CDH4: variants seen among roughly 807,000 people sequenced by gnomAD.
The protein encoded by CDH4 is cadherin-4.
Under a neutral mutation model 86.0 loss-of-function variants are expected in CDH4, and 33 were observed. That is an observed-to-expected ratio of 0.38 (90% CI 0.29 to 0.51). The LOEUF (loss-of-function observed/expected upper bound fraction) is 0.51. Among genes scored for constraint, CDH4 ranks in the 20% least tolerant of loss-of-function variants. CDH4 has a pLI of 0.86. For missense variants in CDH4, 1,114 were observed against 1,307.4 expected (o/e 0.85, Z 2.28); for synonymous variants, 555 against 549.4 (o/e 1.01, Z -0.14).
chr20:61,747,202 G>GA (rs2088425243), intron 3 of CDH4, among the ~76,000 whole-genome samples: 1 of 152,198 alleles, frequency 6.6e-6, no homozygotes, highest in Admixed American at 6.5e-5. Context: ...AGCATTTTGG[G>GA]AGGCCGAGGC....
chr20:61,545,417 G>C (rs565070607), intron 2 of CDH4, among the ~76,000 whole-genome samples: 1 of 152,210 alleles, frequency 6.6e-6, no homozygotes, highest in African/African-American at 2.4e-5. Flanking sequence ...AGGTCATGGC[G>C]ATCAGTCTGT....
chr20:61,499,603 T>G, intron 2 of CDH4: 1 of 1,038,886 alleles, frequency 9.6e-7, no homozygotes, highest in Non-Finnish European at 1.3e-6. Flanking sequence ...GGAGGAGGGC[T>G]CCAAGCCAGA....
At chr20:61,772,210 A>C (rs906405261) in intron 3 of CDH4, among the ~76,000 whole-genome samples, 1 of 152,216 alleles carries the variant, frequency 6.6e-6, no homozygotes, top group Non-Finnish European at 1.5e-5. Context: ...CCCACGTCAC[A>C]TGAGCTTTTG....
At chr20:61,739,463 G>A (rs2088306651) in intron 2 of CDH4, among the ~76,000 whole-genome samples, 1 of 152,198 alleles carries the variant, frequency 6.6e-6, no homozygotes, top group Admixed American at 6.5e-5. Flanking sequence ...CAGGTACGAA[G>A]CCAGGGAATG....
At chr20:61,532,207 G>A (rs921121468) in intron 2 of CDH4, among the ~76,000 whole-genome samples, 2 of 152,334 alleles carry the variant, frequency 1.3e-5, no homozygotes, top group East Asian at 3.9e-4. Context: ...GGGCCACCCA[G>A]GAGGCACCCA....
chr20:61,382,741 G>A (rs1022225585), intron 2 of CDH4, among the ~76,000 whole-genome samples: 1 of 152,006 alleles, frequency 6.6e-6, no homozygotes, highest in Non-Finnish European at 1.5e-5. Context: ...GTTCTCCTCG[G>A]GTGCACCTCC....
At chr20:61,271,292 A>G (rs1439423504) in intron 2 of CDH4, among the ~76,000 whole-genome samples, 3 of 152,164 alleles carry the variant, frequency 2.0e-5, no homozygotes, top group African/African-American at 7.2e-5. Context: ...GACGAGAGCA[A>G]ATGTGGAGAG....
intron 2 of CDH4, among the ~76,000 whole-genome samples, chr20:61,529,192 G>A (rs1318771008): frequency 6.6e-6 from 1 of 152,154 alleles, no homozygotes; most frequent in African/African-American, 2.4e-5. Flanking sequence ...TCAGAAGTCT[G>A]GAGATCTTAG....
intron 2 of CDH4, among the ~76,000 whole-genome samples, chr20:61,396,067 T>A (rs2085015017): frequency 6.6e-6 from 1 of 152,210 alleles, no homozygotes; most frequent in South Asian, 2.1e-4. Context: ...ACATAAGTTT[T>A]ATTGGCGCTC....
At chr20:61,915,008 A>G (rs1046138537) in intron 9 of CDH4, among the ~76,000 whole-genome samples, 1 of 152,210 alleles carries the variant, frequency 6.6e-6, no homozygotes, top group African/African-American at 2.4e-5. Flanking sequence ...CAATGTGATC[A>G]GCTACAGTGA....
At chr20:61,282,653 A>G (rs1169496366) in intron 2 of CDH4, among the ~76,000 whole-genome samples, 1 of 152,164 alleles carries the variant, frequency 6.6e-6, no homozygotes, top group Non-Finnish European at 1.5e-5. Flanking sequence ...TCATATGTAC[A>G]TATGTGGGTG....
rs1600802524 is a variant in CDH4, at chr20:61,940,375, G to A, written c.*3432G>A. 1 of 151,860 alleles carries A rather than the reference G, an allele frequency of 6.6e-6. No homozygotes were observed. Among genetic ancestry groups the A allele is most frequent in the African/African-American group, 2.4e-5 (1 of 41,302 alleles). The allele number at this position is 151,860 out of a possible 1,614,324, so 9.4% of individuals were successfully genotyped here. A position where few individuals can be genotyped will look rare whatever the true frequency, so the allele number is the denominator to read the frequency against. ...ACTCACACCTGCAAATCTGAGCATC[G>A]CGAGGTTAAACGTTCCACCTTTTTT... On this transcript the variant is annotated 3_prime_UTR_variant, in exon 16 of 16. Coordinates refer to ENST00000614565, the MANE Select transcript of CDH4 (RefSeq NM_001794.5).
rs1424654817 is a variant in CDH4 at position 61,517,991 on chromosome 20, G to T, written c.170-225572G>T. Among the ~76,000 whole-genome samples, 1 of 147,806 alleles carries T rather than the reference G, an allele frequency of 6.8e-6. No homozygotes were observed. The highest frequency in any genetic ancestry group is 1.5e-5 in the Non-Finnish European group (1 of 67,542). On this transcript the variant is annotated intron_variant, in intron 2 of 15. Transcript: ENST00000614565. The surrounding 1 kb of genome is among the most constrained non-coding windows in gnomAD (Gnocchi z 6.6). Reference sequence around the variant, plus strand: ...CCTCTCGTGTGGGGCTGGGGCAGGAGCTGCCTGCCTCCCCGTGCGGGGAGG... The same window carrying T: ...CCTCTCGTGTGGGGCTGGGGCAGGATCTGCCTGCCTCCCCGTGCGGGGAGG...
chr20:61,594,317 G>C (rs898931068), intron 2 of CDH4, among the ~76,000 whole-genome samples: 7 of 151,920 alleles, frequency 4.6e-5, no homozygotes, highest in Non-Finnish European at 7.4e-5. Context: ...GCCACTTCCA[G>C]TGCTGGTGCC....
intron 6 of CDH4, among the ~76,000 whole-genome samples, chr20:61,854,652 C>T (rs1271356905): frequency 6.7e-6 from 1 of 150,292 alleles, no homozygotes; most frequent in Non-Finnish European, 1.5e-5. Flanking sequence ...GGTCCACCCC[C>T]AGGGCTGCAG....
intron 2 of CDH4, among the ~76,000 whole-genome samples, chr20:61,695,286 G>A (rs371236925): frequency 8.5e-5 from 13 of 152,336 alleles, no homozygotes; most frequent in South Asian, 8.3e-4. Context: ...CCGCAGAGGC[G>A]TCCTGCCCGG....
intron 2 of CDH4, among the ~76,000 whole-genome samples, chr20:61,651,673 AC>A (rs1454060673): frequency 2.6e-5 from 4 of 152,158 alleles, no homozygotes. Flanking sequence ...GCTGCAGGGG[AC>A]TTGCACCAAC....
chr20:61,270,572 C>A (rs2084178120), intron 2 of CDH4, among the ~76,000 whole-genome samples: 1 of 152,070 alleles, frequency 6.6e-6, no homozygotes, highest in South Asian at 2.1e-4. Context: ...CCCGCACAGA[C>A]GTGTAAGATA....
intron 2 of CDH4, among the ~76,000 whole-genome samples, chr20:61,688,279 C>T (rs1451320815): frequency 6.6e-6 from 1 of 152,108 alleles, no homozygotes; most frequent in Non-Finnish European, 1.5e-5. Flanking sequence ...GGGAATTTCT[C>T]CAGCTGGGGT....
Sources: gnomAD v4.1 joint callset for allele counts (sites outside exome capture counted in the v4.1 genomes callset) on GRCh38, gnomAD v4.1.1 for gene constraint, Gnocchi (gnomAD v3.1) non-coding constraint, MANE v1.5 for transcripts, NCBI Gene and HGNC (gene_info 2026-07-23, HGNC 2026-07-21) for gene names.